The following B4GALNT2 variants were observed in gnomAD, a reference collection of about 807,000 sequenced individuals.
B4GALNT2 encodes N-acetylneuraminylgalactosylglucosyl-glucoside beta-1,4-N- acetylgalactosaminyltransferase 2.
In B4GALNT2, 42 loss-of-function variants were observed where a neutral mutation model predicts 51.1. The ratio of observed to expected loss-of-function variants is 0.82; its 90% CI spans 0.64 to 1.06. B4GALNT2 has a LOEUF of 1.06. B4GALNT2 is among the 50% of genes least tolerant of loss of function. The pLI is 0.00. For synonymous variants in B4GALNT2, 253 were observed against 251.7 expected (o/e 1.01, Z -0.05); for missense variants, 602 against 633.6 (o/e 0.95, Z 0.54).
the B4GALNT2 span, among the ~76,000 whole-genome samples, chr17:49,123,001 GA>G: frequency 1.3e-5 from 2 of 152,228 alleles, no homozygotes; most frequent in Non-Finnish European, 2.9e-5. Context: ...GACTGAGTAA[GA>G]TGACTAGTTC....
chr17:49,133,147 T>C, intron 1 of B4GALNT2: 2 of 1,527,870 alleles, frequency 1.3e-6, no homozygotes, highest in African/African-American at 1.5e-5. Context: ...TTCGGGGCTC[T>C]CTGCTTGGAA....
intron 1 of B4GALNT2, among the ~76,000 whole-genome samples, chr17:49,139,997 G>C (rs1370582741): frequency 4.0e-5 from 6 of 150,224 alleles, no homozygotes; most frequent in Non-Finnish European, 8.9e-5. Flanking sequence ...TTCTTGACTA[G>C]AATAGCTCAA....
intron 3 of B4GALNT2, 100 bp from the exon 4 acceptor site, chr17:49,152,700 A>G (rs1022041627): frequency 6.2e-6 from 5 of 806,960 alleles, no homozygotes; most frequent in South Asian, 1.9e-5. Context: ...TGATTTCTCC[A>G]TATTGTCAGG....
At chr17:49,168,597 G>C in intron 9 of B4GALNT2, 84 bp from the exon 10 acceptor site, 1 of 1,249,492 alleles carries the variant, frequency 8.0e-7, no homozygotes, top group South Asian at 1.3e-5. Flanking sequence ...TTATAACCGA[G>C]GTGCAGTCCA....
chr17:49,171,849 C>CAAAT lies in B4GALNT2; in HGVS notation c.*2123_*2126dup, dbSNP rs149904317. On this transcript the variant is annotated 3_prime_UTR_variant, in exon 11 of 11. Coordinates refer to ENST00000393354, the MANE Select transcript of B4GALNT2 (RefSeq NM_001159387.2). ...TTCTGGCCAGGTCTAATTCTATTTA[C>CAAAT]AAATAGGTTTTGAGCTGCCTTTGCT... is the stretch of plus-strand genomic sequence containing the variant. The CAAAT allele has an allele frequency of 0.097, 33,225 of 343,278 alleles. 2,134 individuals are homozygous for CAAAT. The highest frequency in any genetic ancestry group is 0.17 in the South Asian group (6,988 of 42,010). The allele number at this position is 343,278 out of a possible 1,614,324, so 21.3% of individuals were successfully genotyped here. A position where few individuals can be genotyped will look rare whatever the true frequency, so the allele number is the denominator to read the frequency against.
intron 8 of B4GALNT2, among the ~76,000 whole-genome samples, chr17:49,165,357 CCCTA>C (rs2042901751): frequency 7.0e-6 from 1 of 143,858 alleles, no homozygotes; most frequent in African/African-American, 2.6e-5. Flanking sequence ...TCCCTCTCTC[CCCTA>C]CCTTTCTTCC....
At chr17:49,166,440 C>T (rs536759556) in intron 9 of B4GALNT2, among the ~76,000 whole-genome samples, 186 bp downstream of exon 9, 10 of 152,146 alleles carry the variant, frequency 6.6e-5, no homozygotes, top group South Asian at 2.1e-4. Flanking sequence ...CACCAGCTCA[C>T]GCCTCCATAC....
At chr17:49,144,646 TACCAGCACTTTGGGAGGCCAAG>T (rs1276149887) in intron 3 of B4GALNT2, among the ~76,000 whole-genome samples, 5 of 152,300 alleles carry the variant, frequency 3.3e-5, no homozygotes, top group Admixed American at 3.3e-4. Flanking sequence ...ACGCCTGTAA[TACCAGCACTTTGGGAGGCCAAG>T]ACAGGCAGAT....
chr17:49,141,093 G>T (rs2042639565), intron 1 of B4GALNT2, among the ~76,000 whole-genome samples, 154 bp from the exon 2 acceptor site: 1 of 150,650 alleles, frequency 6.6e-6, no homozygotes, highest in African/African-American at 2.4e-5. Context: ...GTTGCAACTT[G>T]ATTCTTTCCT....
chr17:49,172,406 T>G lies in B4GALNT2; in HGVS notation c.*2678T>G, dbSNP rs2042962728. 6.5e-6 allele frequency: 1 copy of G among 154,002 alleles called. No individual in the cohort carries two copies. The highest frequency in any genetic ancestry group is 2.4e-5 in the African/African-American group (1 of 41,526). 9.5% of individuals were successfully genotyped at this position (154,002 alleles called of 1,614,324 possible). A position where few individuals can be genotyped will look rare whatever the true frequency, so the allele number is the denominator to read the frequency against. The stretch of plus-strand genomic sequence containing the variant: ...TACCTATTTCCCAACTTTTTGTTAT[T>G]GTATCTCTCCACCAAACCAGTTGTT... On this transcript the variant is annotated 3_prime_UTR_variant, in exon 11 of 11. Coordinates refer to ENST00000393354, the MANE Select transcript of B4GALNT2 (RefSeq NM_001159387.2).
intron 1 of B4GALNT2, among the ~76,000 whole-genome samples, chr17:49,133,571 CA>C (rs1451296029): frequency 6.6e-6 from 1 of 152,132 alleles, no homozygotes; most frequent in East Asian, 1.9e-4. Flanking sequence ...AGTCATCTCA[CA>C]AAAATGCAAT....
chr17:49,155,211 T>C (rs947116481), intron 4 of B4GALNT2, among the ~76,000 whole-genome samples: 1 of 148,128 alleles, frequency 6.8e-6, no homozygotes, highest in African/African-American at 2.5e-5. Context: ...GTGAGGAGAA[T>C]TGCTTGATCC....
rs1249097120 is a variant in B4GALNT2, at chr17:49,176,433, A to G, written c.*6705A>G. 6.6e-6 allele frequency: 1 copy of G among 152,116 alleles called. No homozygotes were observed. The highest frequency in any genetic ancestry group is 2.4e-5 in the African/African-American group (1 of 41,368). The allele number at this position is 152,116 out of a possible 1,614,324, so 9.4% of individuals were successfully genotyped here. On this transcript the variant is annotated 3_prime_UTR_variant, in exon 11 of 11. Coordinates refer to ENST00000393354, the MANE Select transcript of B4GALNT2 (RefSeq NM_001159387.2). ...AGTATTCCTTATGGGAAACAAAGGGATGGACTGAAACAAAGGGATGGGCTC... is the reference window on the plus strand; with the variant it reads ...AGTATTCCTTATGGGAAACAAAGGGGTGGACTGAAACAAAGGGATGGGCTC...
Position 49,171,542 on chromosome 17 carries a change from T to A in B4GALNT2, c.*1814T>A, listed in dbSNP as rs1410023351. The A allele has an allele frequency of 2.4e-6, 1 of 414,660 alleles. No homozygotes were observed. Among genetic ancestry groups the A allele is most frequent in the Non-Finnish European group, 4.7e-6 (1 of 214,448 alleles). 25.7% of individuals were successfully genotyped at this position (414,660 alleles called of 1,614,324 possible). ...TTAATAGTTTCCACAAATCCTTATG[T>A]TTAGCTTCTACAGTGGACCATATCA... On this transcript the variant is annotated 3_prime_UTR_variant, in exon 11 of 11. Transcript: ENST00000393354.
intron 2 of B4GALNT2, 96 bp downstream of exon 2, chr17:49,141,543 T>C: frequency 1.6e-6 from 2 of 1,279,352 alleles, no homozygotes; most frequent in East Asian, 2.4e-5. Flanking sequence ...GTACAGATGG[T>C]TCCCTTGCTT....
chr17:49,140,105 T>TC (rs1472621622), intron 1 of B4GALNT2, among the ~76,000 whole-genome samples: 1 of 150,240 alleles, frequency 6.7e-6, no homozygotes, highest in African/African-American at 2.4e-5. Context: ...GGATTTTCTT[T>TC]CTTTTTTTTT....
At chr17:49,131,607 A>ATTCTCGTG (rs929453438), upstream of B4GALNT2, among the ~76,000 whole-genome samples, 2 of 151,664 alleles carry the variant, frequency 1.3e-5, no homozygotes, top group Non-Finnish European at 2.9e-5. Flanking sequence ...GGTTCAAGAG[A>ATTCTCGTG]TTCTCGTGTT....
chr17:49,152,263 C>T (rs1427533715), intron 3 of B4GALNT2, among the ~76,000 whole-genome samples: 1 of 152,058 alleles, frequency 6.6e-6, no homozygotes, highest in African/African-American at 2.4e-5. Context: ...CCTGTAGTCC[C>T]AGCTATGAAA....
intron 5 of B4GALNT2, among the ~76,000 whole-genome samples, chr17:49,158,250 T>A (rs1024665826): frequency 6.6e-6 from 1 of 152,184 alleles, no homozygotes; most frequent in African/African-American, 2.4e-5. Flanking sequence ...TAGTTCCATT[T>A]TGAAGACAAC....
Sources: allele counts gnomAD v4.1 joint callset (sites outside exome capture counted in the v4.1 genomes callset), GRCh38; gene constraint gnomAD v4.1.1; transcripts MANE v1.5; gene names NCBI Gene and HGNC (gene_info 2026-07-23, HGNC 2026-07-21).